The following OSBP variants were observed in gnomAD, a reference collection of about 807,000 sequenced individuals.
OSBP encodes the protein oxysterol binding protein.
In OSBP, 32 loss-of-function variants were observed where a neutral mutation model predicts 96.6. That is an observed-to-expected ratio of 0.33 (90% confidence interval 0.25 to 0.45). The LOEUF is 0.45. Among genes scored for constraint, OSBP ranks in the 20% least tolerant of loss-of-function variants. The pLI is 1.00. For synonymous variants in OSBP, 369 were observed against 389.6 expected (o/e 0.95, Z 0.62); for missense variants, 653 against 1,029.7 (o/e 0.63, Z 5.01).
rs1860404697 is a variant in OSBP, at chr11:59,580,202, C to T, written c.1850G>A (p.Ser617Asn). Residue 617 changes from serine to asparagine, a missense_variant, in exon 11 of 14, where the codon AGC (serine) becomes AAC (asparagine). This residue lies in a region of OSBP where 169 missense variants were observed against 251.5 expected (regional missense o/e 0.67). Coordinates refer to ENST00000263847, the MANE Select transcript of OSBP (RefSeq NM_002556.3). Reference sequence around the variant, plus strand: ...TCTTGCTACATCCCGAGAGAAGTAGCTATAAGGAACAAATTTAAGATTACA... The same window carrying T: ...TCTTGCTACATCCCGAGAGAAGTAGTTATAAGGAACAAATTTAAGATTACA... ...DKCNLKFVPY[S>N]YFSRDVARKV... is the part of the protein sequence containing the mutation. 6.2e-7 allele frequency: 1 copy of T among 1,611,176 alleles called. No homozygotes were observed. Among genetic ancestry groups the T allele is most frequent in the African/African-American group, 1.3e-5 (1 of 74,972 alleles).
chr11:59,608,357 C>T, intron 3 of OSBP, 127 bp downstream of exon 3: 1 of 1,110,814 alleles, frequency 9.0e-7, no homozygotes, highest in Admixed American at 1.8e-5. Context: ...TAACTTAAAG[C>T]CCTTGACCAG....
intron 7 of OSBP, among the ~76,000 whole-genome samples, chr11:59,599,675 T>C (rs1011558185): frequency 6.6e-6 from 1 of 152,092 alleles, no homozygotes; most frequent in Admixed American, 6.6e-5. Context: ...ACACTATAGC[T>C]GCATCCTCAA....
At chr11:59,613,143 T>C (rs750721988) in intron 1 of OSBP, among the ~76,000 whole-genome samples, 4 of 152,164 alleles carry the variant, frequency 2.6e-5, no homozygotes, top group Non-Finnish European at 5.9e-5. Context: ...CCAGTATACT[T>C]GATAGGAGGT....
At position 59,601,756 on chromosome 11, in the gene OSBP, A is replaced by G. The variant is rs2134670188; in HGVS notation, c.905T>C (p.Ile302Thr). The G allele has an allele frequency of 6.2e-7, 1 of 1,614,132 alleles. No homozygotes were observed. Among genetic ancestry groups the G allele is most frequent in the Non-Finnish European group, 8.5e-7 (1 of 1,180,014 alleles). The change falls in exon 4 of 14, where the codon ATC becomes ACC. Residue 302 changes from isoleucine to threonine, a missense_variant. By Grantham distance (89) the Ile-to-Thr change is moderately conservative. Around this residue, in one of 6 missense-constraint regions of OSBP, gnomAD observed 308 missense variants for 573.1 expected, o/e 0.54. Coordinates refer to ENST00000263847, the MANE Select transcript of OSBP (RefSeq NM_002556.3). ...CTGCTCGAGGGTTTCTTCCAGTCGGATACGCTGGTCTCTTTCATACTGTAG... is the reference window on the plus strand; with the variant it reads ...CTGCTCGAGGGTTTCTTCCAGTCGGGTACGCTGGTCTCTTTCATACTGTAG... ...KSLQYERDQRIRLEETLEQLA... is the reference protein window; with the variant it reads ...KSLQYERDQRTRLEETLEQLA...
At chr11:59,588,243 T>G (rs1860526424) in intron 9 of OSBP, among the ~76,000 whole-genome samples, 1 of 152,052 alleles carries the variant, frequency 6.6e-6, no homozygotes, top group African/African-American at 2.4e-5. Flanking sequence ...GAATAGAAAA[T>G]TATTTTTTGG....
chr11:59,615,207 C>A (rs535255474), intron 1 of OSBP, 96 bp downstream of exon 1: 16 of 1,071,000 alleles, frequency 1.5e-5, no homozygotes, highest in African/African-American at 1.5e-4. Context: ...CTGGGGCAAC[C>A]CTGGCTGCGG....
At chr11:59,581,881 G>A (rs1374216794) in intron 9 of OSBP, among the ~76,000 whole-genome samples, 1 of 152,220 alleles carries the variant, frequency 6.6e-6, no homozygotes, top group African/African-American at 2.4e-5. Context: ...ATGCATCATG[G>A]AAGTAACTGC....
chr11:59,585,141 G>C (rs538944974), intron 9 of OSBP, among the ~76,000 whole-genome samples: 1 of 149,940 alleles, frequency 6.7e-6, no homozygotes, highest in South Asian at 2.1e-4. Flanking sequence ...TGCCCAGTCT[G>C]GAAAGTGAGG....
At chr11:59,583,706 C>T (rs1211401445) in intron 9 of OSBP, among the ~76,000 whole-genome samples, 2 of 139,910 alleles carry the variant, frequency 1.4e-5, no homozygotes, top group South Asian at 2.2e-4. Context: ...TGCAGTGGCA[C>T]GGTCTCGGCT....
chr11:59,608,556 C>G lies in OSBP; in HGVS notation c.750G>C (p.Glu250Asp). Residue 250 changes from glutamate to aspartate, a missense_variant, in exon 3 of 14, where the codon GAG becomes GAC. Glu to Asp is a conservative substitution (Grantham distance 45). Coordinates refer to ENST00000263847, the MANE Select transcript of OSBP (RefSeq NM_002556.3). The part of the protein sequence containing the change: ...SELESLKLPA[E>D]SNEKIKQVNE... ...TGACCTGTTTGATCTTTTCATTGCT[C>G]TCAGCAGGCAACTTCAGGGACTCCA... 6.2e-7 allele frequency: 1 copy of G among 1,613,986 alleles called. No homozygotes were observed. The highest frequency in any genetic ancestry group is 8.5e-7 in the Non-Finnish European group (1 of 1,179,946).
At chr11:59,593,508 TC>T in intron 9 of OSBP, 95 bp downstream of exon 9, 1 of 1,386,534 alleles carries the variant, frequency 7.2e-7, no homozygotes, top group East Asian at 2.3e-5. Flanking sequence ...GAATCAGACC[TC>T]CTGTCTCCTG....
intron 5 of OSBP, 36 bp from the exon 6 acceptor site, chr11:59,600,909 A>G (rs763006826): frequency 1.3e-6 from 2 of 1,568,738 alleles, no homozygotes; most frequent in South Asian, 2.2e-5. Context: ...ATTAGAACAA[A>G]GACCAGAACT....
At position 59,578,169 on chromosome 11, in the gene OSBP, C is replaced by T. The variant is rs1020607015; in HGVS notation, c.2040G>A (p.Leu680=). 10 of 1,614,202 alleles carry T rather than the reference C, an allele frequency of 6.2e-6. No individual in the cohort carries two copies. The highest frequency in any genetic ancestry group is 5.0e-5 in the Admixed American group (3 of 60,030). Residue 680 remains leucine, a synonymous_variant, in exon 12 of 14, where the codon CTG becomes CTA. Coordinates refer to ENST00000263847, the MANE Select transcript of OSBP (RefSeq NM_002556.3). ...GHEAEESRVM[L]WKRNPLPKNA... ...CTCACGGTAAAGGATTCCTTTTCCA[C>T]AGCATGACCCTGCTTTCCTCTGCTT...
In OSBP at chr11:59,576,283, G is replaced by C. The variant is rs1348859575; in HGVS notation, c.*294C>G. ...TCTTAAATGGGGGCAGAGGGAGAAA[G>C]AAGAGCCAAGAATACTTGACTTCGT... On this transcript the variant is annotated 3_prime_UTR_variant, in exon 14 of 14. Transcript: ENST00000263847. 1 of 299,404 alleles carries C rather than the reference G, an allele frequency of 3.3e-6. No homozygotes were observed. Among genetic ancestry groups the C allele is most frequent in the African/African-American group, 2.2e-5 (1 of 46,058 alleles). 18.5% of individuals were successfully genotyped at this position (299,404 alleles called of 1,614,324 possible).
chr11:59,578,056 T>G, intron 12 of OSBP, 93 bp downstream of exon 12: 2 of 1,167,030 alleles, frequency 1.7e-6, no homozygotes, highest in Non-Finnish European at 1.3e-6. Context: ...ATTCCCCACA[T>G]AATTAAGTGA....
intron 6 of OSBP, 62 bp from the exon 7 acceptor site, chr11:59,600,689 C>T (rs1339097315): frequency 5.7e-6 from 9 of 1,583,558 alleles, no homozygotes. Flanking sequence ...TATTTATAAC[C>T]TTCCCTTCCC....
In OSBP at chr11:59,576,596, G is replaced by A; in HGVS notation, c.2405C>T (p.Ser802Leu). ...GCCGTTTCAGAAAATGTCCGGGCAT[G>A]AGCTCCAGTCCTGTTTTTCTTTACA... ...WECKEKQDWSSCPDIF is the reference protein window; with the variant it reads ...WECKEKQDWSLCPDIF The change falls in exon 14 of 14, where the codon TCA (serine) becomes TTA (leucine). Residue 802 changes from serine (S) to leucine (L), a missense_variant. Physicochemically the swap from Ser to Leu is moderately radical, Grantham distance 145. Around this residue, in one of 6 missense-constraint regions of OSBP, gnomAD observed 169 missense variants for 251.5 expected, o/e 0.67. Coordinates refer to ENST00000263847, the MANE Select transcript of OSBP (RefSeq NM_002556.3). 1.2e-6 allele frequency: 2 copies of A among 1,613,470 alleles called. No individual in the cohort carries two copies. Among genetic ancestry groups the A allele is most frequent in the Non-Finnish European group, 1.7e-6 (2 of 1,179,856 alleles).
Position 59,576,616 on chromosome 11 carries a change from T to C in OSBP, c.2385A>G (p.Lys795=), listed in dbSNP as rs1179475492. The change falls in exon 14 of 14, where the codon AAA becomes AAG. Residue 795 remains lysine, a synonymous_variant. Coordinates refer to ENST00000263847, the MANE Select transcript of OSBP (RefSeq NM_002556.3). ...GGCATGAGCTCCAGTCCTGTTTTTC[T>C]TTACACTCCCAGTATTCTCCCCTAT... ...HIYRGEYWEC[K]EKQDWSSCPD... The C allele has an allele frequency of 3.1e-6, 5 of 1,613,946 alleles. No individual in the cohort carries two copies. The Admixed American group carries it at 8.3e-5, about 27-fold the overall frequency.
intron 9 of OSBP, among the ~76,000 whole-genome samples, chr11:59,592,799 C>CTT (rs11440698): frequency 7.1e-5 from 10 of 141,588 alleles, no homozygotes; most frequent in Admixed American, 1.4e-4. Context: ...TGGGTTTTTC[C>CTT]TTTTTTTTTT....
Sources: allele counts gnomAD v4.1 joint callset (sites outside exome capture counted in the v4.1 genomes callset), GRCh38; gene constraint gnomAD v4.1.1; regional missense constraint gnomAD v4.1.1; transcripts MANE v1.5; gene names NCBI Gene and HGNC (gene_info 2026-07-23, HGNC 2026-07-21).